SAMD12: variants seen among roughly 807,000 people sequenced by gnomAD.
SAMD12 encodes sterile alpha motif domain-containing protein 12.
In SAMD12, 9 loss-of-function variants were observed where a neutral mutation model predicts 15.0. The observed-to-expected ratio is 0.60, with a 90% confidence interval of 0.36 to 1.05. SAMD12 has a LOEUF of 1.05. Among genes scored for constraint, SAMD12 ranks in the 50% least tolerant of loss-of-function variants. The probability of loss-of-function intolerance (pLI) is 0.01; values close to 1 mark genes in which losing one functional copy is unlikely to be tolerated. For missense variants in SAMD12, 230 were observed against 234.2 expected (o/e 0.98, Z 0.12); for synonymous variants, 86 against 90.1 (o/e 0.96, Z 0.25).
intron 2 of SAMD12, among the ~76,000 whole-genome samples, chr8:118,486,282 G>A (rs1047150671): frequency 1.1e-4 from 16 of 150,066 alleles, no homozygotes; most frequent in African/African-American, 3.7e-4. Flanking sequence ...CGGGTGTAGT[G>A]GTGGGCGCCT....
chr8:118,139,814 C>T, the SAMD12 span, among the ~76,000 whole-genome samples: 1 of 152,228 alleles, frequency 6.6e-6, no homozygotes, highest in Non-Finnish European at 1.5e-5. Flanking sequence ...GACTGAGGCC[C>T]ATTTTCCGTT....
chr8:118,453,998 C>A (rs539666229), intron 2 of SAMD12, among the ~76,000 whole-genome samples: 68 of 152,240 alleles, frequency 4.5e-4, no homozygotes, highest in Non-Finnish European at 6.3e-4. Flanking sequence ...ACAAAGGGGC[C>A]ATTACATATT....
At chr8:118,132,186 G>A in the SAMD12 span, among the ~76,000 whole-genome samples, 2 of 152,146 alleles carry the variant, frequency 1.3e-5, no homozygotes, top group African/African-American at 4.8e-5. Flanking sequence ...CAGTTTTACT[G>A]AGTGGTTCTG....
intron 2 of SAMD12, among the ~76,000 whole-genome samples, chr8:118,537,774 G>A (rs181936537): frequency 8.7e-4 from 132 of 152,240 alleles, no homozygotes; most frequent in African/African-American, 1.3e-3. Flanking sequence ...TTAGTTACCC[G>A]GAATCGCTGT....
chr8:118,439,957 G>A lies in SAMD12; in HGVS notation c.197C>T (p.Ala66Val), dbSNP rs1382620623. Residue 66 changes from alanine (A) to valine (V), a missense_variant, in exon 3 of 4, where the codon GCT (alanine) becomes GTT (valine). Physicochemically the swap from Ala to Val is moderately conservative, Grantham distance 64. Coordinates refer to ENST00000314727, the MANE Select transcript of SAMD12 (RefSeq NM_207506.3). Reference protein sequence around the residue: ...LQAEAETAKSATVKLSKPVAL... With the variant: ...LQAEAETAKSVTVKLSKPVAL... ...CACCGGTTTAGATAGCTTCACCGTA[G>A]CTGACTATAAATAAAGAAGGAAGAT... is the stretch of plus-strand genomic sequence containing the variant. The A allele has an allele frequency of 6.8e-6, 11 of 1,613,542 alleles. No individual in the cohort carries two copies. Among genetic ancestry groups the A allele is most frequent in the Non-Finnish European group, 8.5e-6 (10 of 1,179,582 alleles).
the SAMD12 span, among the ~76,000 whole-genome samples, chr8:118,176,589 C>A: frequency 6.6e-6 from 1 of 152,140 alleles, no homozygotes. Context: ...TGTATGTTCT[C>A]ACTTATAAGT....
chr8:118,544,130 A>C (rs1454473377), intron 2 of SAMD12, among the ~76,000 whole-genome samples: 1 of 152,154 alleles, frequency 6.6e-6, no homozygotes, highest in African/African-American at 2.4e-5. Context: ...TCCAAATGGC[A>C]ATACTCATTC....
Position 118,486,433 on chromosome 8 carries a change from G to C in SAMD12, c.193-46472C>G, listed in dbSNP as rs1193241655. Among the ~76,000 whole-genome samples, 4 of 150,628 alleles carry C rather than the reference G, an allele frequency of 2.7e-5. 1 individual carries two copies. The highest frequency in any genetic ancestry group is 9.8e-5 in the African/African-American group (4 of 40,954). ...TCCGTCTAAAAAAAAAAAAGAGAGA[G>C]AGAGTAGCAAAAGATGGGGTTAGAG... is the stretch of plus-strand genomic sequence containing the variant. On this transcript the variant is annotated intron_variant, in intron 2 of 3. Coordinates refer to ENST00000314727, the MANE Select transcript of SAMD12 (RefSeq NM_207506.3).
intron 3 of SAMD12, among the ~76,000 whole-genome samples, chr8:118,431,199 G>GCCC (rs1822395278): frequency 6.6e-6 from 1 of 151,934 alleles, no homozygotes; most frequent in Admixed American, 6.6e-5. Context: ...TGGCATTGCT[G>GCCC]TTATTCATTT....
chr8:118,218,760 C>A (rs989655668), intron 4 of SAMD12, among the ~76,000 whole-genome samples: 2 of 151,878 alleles, frequency 1.3e-5, no homozygotes, highest in African/African-American at 4.8e-5. Context: ...TTTTTAAAAT[C>A]AATTTTTCCA....
chr8:118,544,625 G>A (rs1354317234), intron 2 of SAMD12, among the ~76,000 whole-genome samples: 1 of 152,190 alleles, frequency 6.6e-6, no homozygotes, highest in Non-Finnish European at 1.5e-5. Flanking sequence ...AGACATTATA[G>A]AGACCCAAGG....
chr8:118,315,943 G>T (rs1815873422), intron 4 of SAMD12, among the ~76,000 whole-genome samples: 1 of 152,154 alleles, frequency 6.6e-6, no homozygotes, highest in Non-Finnish European at 1.5e-5. Flanking sequence ...AGAGATTTCT[G>T]TTACCATCTT....
chr8:118,187,837 C>CTAGGCTCAG (rs1374197464), downstream of SAMD12, among the ~76,000 whole-genome samples: 1 of 152,110 alleles, frequency 6.6e-6, no homozygotes, highest in African/African-American at 2.4e-5. Context: ...GCAGAGGTTG[C>CTAGGCTCAG]TAGGCTCAGT....
intron 4 of SAMD12, among the ~76,000 whole-genome samples, chr8:118,299,717 G>A (rs1031045869): frequency 6.6e-6 from 1 of 152,120 alleles, no homozygotes; most frequent in Non-Finnish European, 1.5e-5. Flanking sequence ...GATGAAAGAT[G>A]ACCCAAAAAT....
the SAMD12 span, among the ~76,000 whole-genome samples, chr8:118,168,510 C>A: frequency 6.6e-6 from 1 of 152,126 alleles, no homozygotes; most frequent in Admixed American, 6.5e-5. Flanking sequence ...TAGCAACAAC[C>A]AAAGCTTCCT....
In SAMD12 at chr8:118,558,719, C is replaced by T. The variant is rs182725603; in HGVS notation, c.192+21996G>A. 3.8e-3 allele frequency among the ~76,000 whole-genome samples: 576 copies of T among 152,128 alleles called. 3 individuals are homozygous for T. Among genetic ancestry groups the T allele is most frequent in the African/African-American group, 0.012 (495 of 41,484 alleles). On this transcript the variant is annotated intron_variant, in intron 2 of 3. Transcript: ENST00000314727. ...GACTACAGGCGCGTGCCACCACGCC[C>T]GGCTAATTTTTTGTATTTTTAGTAG...
chr8:118,427,202 A>G (rs772437861), intron 3 of SAMD12, among the ~76,000 whole-genome samples: 1 of 152,222 alleles, frequency 6.6e-6, no homozygotes, highest in Non-Finnish European at 1.5e-5. Flanking sequence ...AAATCCATCC[A>G]TCCATCTATC....
the SAMD12 span, among the ~76,000 whole-genome samples, chr8:118,136,069 A>G: frequency 5.3e-5 from 8 of 151,610 alleles, no homozygotes; most frequent in East Asian, 1.6e-3. Context: ...CACTCTTGTC[A>G]CCCAGGCTGG....
At chr8:118,226,224 A>G (rs1359150324) in intron 4 of SAMD12, among the ~76,000 whole-genome samples, 1 of 152,208 alleles carries the variant, frequency 6.6e-6, no homozygotes, top group African/African-American at 2.4e-5. Flanking sequence ...TGCTAGCAAG[A>G]AATCATACAC....
Sources: allele counts gnomAD v4.1 joint callset (sites outside exome capture counted in the v4.1 genomes callset), GRCh38; gene constraint gnomAD v4.1.1; transcripts MANE v1.5; gene names NCBI Gene and HGNC (gene_info 2026-07-23, HGNC 2026-07-21).